ATP8A1: variants seen among roughly 807,000 people sequenced by gnomAD.
ATP8A1 encodes phospholipid-transporting ATPase IA.
A neutral mutation model predicts 177.7 loss-of-function variants in ATP8A1; 90 were observed. The observed-to-expected ratio is 0.51, with a 90% CI of 0.43 to 0.60. The LOEUF is 0.60. Ranked by LOEUF, ATP8A1 falls within the 20% of genes least tolerant of loss-of-function variation. ATP8A1 has a pLI of 0.00. For synonymous variants in ATP8A1, 493 were observed against 485.9 expected (o/e 1.01, Z -0.19); for missense variants, 1,072 against 1,392.8 (o/e 0.77, Z 3.67).
In ATP8A1 at chr4:42,578,251, C is replaced by T; in HGVS notation, c.1128+9G>A. On this transcript the variant is annotated intron_variant, in intron 12 of 36. Coordinates refer to ENST00000381668, the MANE Select transcript of ATP8A1 (RefSeq NM_006095.2). ...TTGTAGGGTGATAACAATCATAATT[C>T]ATATTTACCCAATTTATGAAGTATG... 6.3e-7 allele frequency: 1 copy of T among 1,581,914 alleles called. No homozygotes were observed. The highest frequency in any genetic ancestry group is 2.3e-5 in the East Asian group (1 of 43,796).
At position 42,590,992 on chromosome 4, in the gene ATP8A1, A is replaced by G. The variant is rs1734118896; in HGVS notation, c.451-108T>C. Reference sequence around the variant, plus strand: ...GACAGAAAGTTCGAAATTATTATAGAAAATAATACATGTTAATAAAAACAT... The same window carrying G: ...GACAGAAAGTTCGAAATTATTATAGGAAATAATACATGTTAATAAAAACAT... On this transcript the variant is annotated intron_variant, in intron 6 of 36. Transcript: ENST00000381668. The G allele has an allele frequency of 3.1e-6, 3 of 959,046 alleles. No homozygotes were observed. The South Asian group carries it at 4.6e-5, about 15-fold the overall frequency. The allele number at this position is 959,046 out of a possible 1,614,324, so 59.4% of individuals were successfully genotyped here. A position where few individuals can be genotyped will look rare whatever the true frequency, so the allele number is the denominator to read the frequency against.
intron 1 of ATP8A1, among the ~76,000 whole-genome samples, chr4:42,636,154 A>ACACACACACACACGCGTGCGCGTG (rs1739344458): frequency 2.1e-5 from 1 of 47,540 alleles, no homozygotes; most frequent in Non-Finnish European, 7.2e-5. Flanking sequence ...ACACACACAC[A>ACACACACACACACGCGTGCGCGTG]CACGCACACA....
intron 19 of ATP8A1, among the ~76,000 whole-genome samples, chr4:42,545,337 C>T (rs1728794217): frequency 6.6e-6 from 1 of 152,128 alleles, no homozygotes; most frequent in Non-Finnish European, 1.5e-5. Context: ...CTCTTTTACT[C>T]CAGCTTTGAT....
intron 25 of ATP8A1, among the ~76,000 whole-genome samples, chr4:42,474,368 C>T (rs1225373729): frequency 6.6e-6 from 1 of 152,148 alleles, no homozygotes; most frequent in African/African-American, 2.4e-5. Flanking sequence ...TGGGGTGAGA[C>T]TGGGCTGGAT....
intron 25 of ATP8A1, among the ~76,000 whole-genome samples, chr4:42,480,340 C>CA (rs1721547512): frequency 6.6e-6 from 1 of 152,078 alleles, no homozygotes; most frequent in Non-Finnish European, 1.5e-5. Flanking sequence ...AAAGTGTATT[C>CA]AGTGTGTCCT....
At chr4:42,482,571 G>T (rs1721802037) in intron 25 of ATP8A1, among the ~76,000 whole-genome samples, 2 of 152,154 alleles carry the variant, frequency 1.3e-5, no homozygotes, top group African/African-American at 4.8e-5. Flanking sequence ...AATGTCTGCT[G>T]CCTGGGAACA....
In ATP8A1 at chr4:42,409,227, A is replaced by G. The variant is rs2153164148; in HGVS notation, c.*3689T>C. 6.6e-6 allele frequency: 1 copy of G among 152,328 alleles called. No homozygotes were observed. Among genetic ancestry groups the G allele is most frequent in the African/African-American group, 2.4e-5 (1 of 41,578 alleles). The allele number at this position is 152,328 out of a possible 1,614,324, so 9.4% of individuals were successfully genotyped here. On this transcript the variant is annotated 3_prime_UTR_variant, in exon 37 of 37. Transcript: ENST00000381668. ...ACTCATGCAAACCATAAACCTATCA[A>G]AAACACAGCTGTTCTCATACAGAAA...
intron 20 of ATP8A1, among the ~76,000 whole-genome samples, chr4:42,525,052 CTCTTTCT>C (rs2153199533): frequency 6.6e-6 from 1 of 152,288 alleles, no homozygotes; most frequent in Admixed American, 6.5e-5. Flanking sequence ...TTCATCTTTC[CTCTTTCT>C]GAATAAAACT....
Position 42,411,752 on chromosome 4 carries a change from C to A in ATP8A1, c.*1164G>T, listed in dbSNP as rs1258606311. 6.6e-6 allele frequency: 1 copy of A among 152,118 alleles called. No individual in the cohort carries two copies. 9.4% of individuals were successfully genotyped at this position (152,118 alleles called of 1,614,324 possible). ...TTTTTTAAATGGGGAAAATGTACTACCTATTTGTCCCAATAAGCAGCATGT... is the reference window on the plus strand; with the variant it reads ...TTTTTTAAATGGGGAAAATGTACTAACTATTTGTCCCAATAAGCAGCATGT... On this transcript the variant is annotated 3_prime_UTR_variant, in exon 37 of 37. Coordinates refer to ENST00000381668, the MANE Select transcript of ATP8A1 (RefSeq NM_006095.2).
chr4:42,456,538 A>G (rs991688335), intron 27 of ATP8A1, among the ~76,000 whole-genome samples: 1 of 152,196 alleles, frequency 6.6e-6, no homozygotes, highest in Non-Finnish European at 1.5e-5. Context: ...TTAAGGGACA[A>G]TATGGACAAA....
At chr4:42,593,666 T>C (rs1734421632) in intron 6 of ATP8A1, among the ~76,000 whole-genome samples, 1 of 152,096 alleles carries the variant, frequency 6.6e-6, no homozygotes, top group South Asian at 2.1e-4. Context: ...GACTAGTTTA[T>C]AGTTTTTAAA....
chr4:42,509,806 C>G (rs968276562), intron 22 of ATP8A1, among the ~76,000 whole-genome samples: 1 of 125,380 alleles, frequency 8.0e-6, no homozygotes, highest in East Asian at 2.5e-4. Context: ...AAGCCGAGAT[C>G]AAGCCACTGC....
At chr4:42,499,079 C>T (rs1268735965) in intron 24 of ATP8A1, among the ~76,000 whole-genome samples, 1 of 152,126 alleles carries the variant, frequency 6.6e-6, no homozygotes, top group East Asian at 1.9e-4. Flanking sequence ...CCTGCAGGAT[C>T]CAAACACTAC....
chr4:42,540,915 T>A (rs1220208310), intron 20 of ATP8A1, among the ~76,000 whole-genome samples: 1 of 152,158 alleles, frequency 6.6e-6, no homozygotes, highest in Non-Finnish European at 1.5e-5. Flanking sequence ...AAAGATGTAT[T>A]GTACTAAGCT....
intron 20 of ATP8A1, among the ~76,000 whole-genome samples, chr4:42,541,962 C>T (rs75220160): frequency 0.011 from 1,736 of 152,254 alleles, 34 homozygotes; most frequent in African/African-American, 0.039. Flanking sequence ...CATGTCACTA[C>T]ACATTTATCC....
chr4:42,554,659 A>G (rs1729867344), intron 16 of ATP8A1, among the ~76,000 whole-genome samples: 1 of 152,170 alleles, frequency 6.6e-6, no homozygotes, highest in East Asian at 1.9e-4. Flanking sequence ...GTTATGAGAA[A>G]AAGTTCCGGG....
At chr4:42,506,691 C>T (rs938171998) in intron 23 of ATP8A1, among the ~76,000 whole-genome samples, 5 of 147,798 alleles carry the variant, frequency 3.4e-5, no homozygotes, top group Non-Finnish European at 7.6e-5. Context: ...ATTATAAACT[C>T]TTTCCAAAAC....
At chr4:42,543,821 T>G in intron 20 of ATP8A1, 96 bp downstream of exon 20, 1 of 846,202 alleles carries the variant, frequency 1.2e-6, no homozygotes, top group South Asian at 2.0e-5. Flanking sequence ...AGCAACTTCA[T>G]GTTAAACATC....
intron 22 of ATP8A1, among the ~76,000 whole-genome samples, chr4:42,512,011 T>C (rs1725055741): frequency 6.6e-6 from 1 of 152,212 alleles, no homozygotes; most frequent in Admixed American, 6.5e-5. Flanking sequence ...TATTTCCATA[T>C]GAAATAAGAT....
Sources: allele counts gnomAD v4.1 joint callset (sites outside exome capture counted in the v4.1 genomes callset), GRCh38; gene constraint gnomAD v4.1.1; transcripts MANE v1.5; gene names NCBI Gene and HGNC (gene_info 2026-07-23, HGNC 2026-07-21).